PDGFA: variants seen among roughly 807,000 people sequenced by gnomAD.
PDGFA encodes the protein platelet derived growth factor subunit A.
In PDGFA, 9 loss-of-function variants were observed where a neutral mutation model predicts 25.6. That is an observed-to-expected ratio of 0.35 (90% CI 0.21 to 0.61). The LOEUF is 0.61. Among genes scored for constraint, PDGFA ranks in the 20% least tolerant of loss-of-function variants. PDGFA has a pLI of 0.75. For missense variants in PDGFA, 242 were observed against 272.8 expected (o/e 0.89, Z 0.79); for synonymous variants, 133 against 111.8 (o/e 1.19, Z -1.20).
chr7:497,978 ACAAAAAC>A (rs1782163582), exon 6 of PDGFA: 1 of 134,928 alleles, frequency 7.4e-6, no homozygotes, highest in African/African-American at 2.7e-5. Context: ...AAAAAACAAA[ACAAAAAC>A]AAAAAAAAAA....
chr7:510,720 AG>A, intron 4 of PDGFA, 88 bp downstream of exon 4: 1 of 378,066 alleles, frequency 2.6e-6, no homozygotes, highest in Admixed American at 4.4e-5. Flanking sequence ...AGGGGAGGGG[AG>A]GGGAGAGGAG....
At chr7:518,619 C>T in intron 1 of PDGFA, 1 of 328,748 alleles carries the variant, frequency 3.0e-6, no homozygotes, top group Non-Finnish European at 5.5e-6. Context: ...TTCCCCGCTC[C>T]CCGCACCCCG....
intron 4 of PDGFA, among the ~76,000 whole-genome samples, chr7:508,926 G>A (rs1370661732): frequency 5.9e-5 from 9 of 152,266 alleles, no homozygotes; most frequent in Non-Finnish European, 1.3e-4. Context: ...GATGGCAGCA[G>A]CCTCGGCTCT....
Position 517,264 on chromosome 7 carries a change from CT to C in PDGFA, c.160+129del. 1 of 317,354 alleles carries C rather than the reference CT, an allele frequency of 3.2e-6. No homozygotes were observed. Among genetic ancestry groups the C allele is most frequent in the Non-Finnish European group, 5.6e-6 (1 of 177,556 alleles). The allele number at this position is 317,354 out of a possible 1,614,324, so 19.7% of individuals were successfully genotyped here. On this transcript the variant is annotated intron_variant, in intron 2 of 5. Coordinates refer to ENST00000402802, the Ensembl canonical transcript of PDGFA. The surrounding 1 kb of genome is among the most constrained non-coding windows in gnomAD (Gnocchi z 7.4). ...AACTCCTGACTCATCCGCCCGGGCG[CT>C]TATGGCTGGGGATTGGATTCTGACC...
upstream of PDGFA, chr7:520,325 G>A (rs1416170949): frequency 1.1e-5 from 2 of 180,266 alleles, no homozygotes; most frequent in Non-Finnish European, 2.4e-5. Flanking sequence ...CAGGGCCCCA[G>A]CCTTCCTCTC....
intron 4 of PDGFA, among the ~76,000 whole-genome samples, chr7:503,126 T>C (rs1468839550): frequency 1.3e-5 from 2 of 152,136 alleles, no homozygotes; most frequent in Non-Finnish European, 2.9e-5. Context: ...CACCTCCATT[T>C]ACAGAACAAA....
chr7:497,602 A>T (rs909982259), exon 6 of PDGFA: 3 of 152,234 alleles, frequency 2.0e-5, no homozygotes, highest in Admixed American at 1.3e-4. Flanking sequence ...ACTCAGCCAC[A>T]AACGGGCTCT....
At chr7:498,359 G>A (rs1280140604) in exon 6 of PDGFA, 13 of 535,564 alleles carry the variant, frequency 2.4e-5, no homozygotes, top group East Asian at 1.8e-4. Flanking sequence ...GCTTCTTACT[G>A]CTTCACCGAG....
Position 500,397 on chromosome 7 carries a change from T to G in PDGFA, c.580+719A>C, listed in dbSNP as rs1782273986. The G allele has an allele frequency of 1.9e-6, 3 of 1,610,166 alleles. No homozygotes were observed. The highest frequency in any genetic ancestry group is 2.6e-6 in the Non-Finnish European group (3 of 1,176,416). On this transcript the variant is annotated intron_variant, in intron 5 of 5. Transcript: ENST00000402802. The surrounding 1 kb of genome is among the most constrained non-coding windows in gnomAD (Gnocchi z 5.0). The stretch of plus-strand genomic sequence containing the variant: ...ATCAGTCAGTTGCACCTCCCCGCCC[T>G]GCAGGACTCAGTGTGTCCGGCAGAC...
chr7:517,555 G>T lies in PDGFA; in HGVS notation c.64-65C>A, dbSNP rs1319224696. The T allele has an allele frequency of 1.9e-5, 12 of 641,746 alleles. No homozygotes were observed. Among genetic ancestry groups the T allele is most frequent in the East Asian group, 8.6e-5 (1 of 11,622 alleles). The allele number at this position is 641,746 out of a possible 1,614,324, so 39.8% of individuals were successfully genotyped here. A position where few individuals can be genotyped will look rare whatever the true frequency, so the allele number is the denominator to read the frequency against. On this transcript the variant is annotated intron_variant, in intron 1 of 5. Coordinates refer to ENST00000402802, the Ensembl canonical transcript of PDGFA. The surrounding 1 kb of genome is among the most constrained non-coding windows in gnomAD (Gnocchi z 7.4). ...ACCCCGCCGGCACGCGCCCCCGGCC[G>T]CCAGGAGCGCCGCCGCCCCGGGCCC...
intron 2 of PDGFA, among the ~76,000 whole-genome samples, chr7:515,718 T>C (rs1416035824): frequency 6.6e-6 from 1 of 152,112 alleles, no homozygotes. Context: ...GGGACATGAC[T>C]GCAGAGGGAA....
chr7:499,535 G>A (rs1248542799), intron 5 of PDGFA, among the ~76,000 whole-genome samples: 5 of 152,236 alleles, frequency 3.3e-5, no homozygotes, highest in African/African-American at 1.2e-4. Flanking sequence ...GACCAGGAAG[G>A]CTTGAAACTG....
Position 500,905 on chromosome 7 carries a change from C to T in PDGFA, c.580+211G>A, listed in dbSNP as rs369146942. ...ATCTCCTCTCCTGCCAGTGCCGCAG[C>T]TTGGGCCACCCTCCCCACCGGACAC... On this transcript the variant is annotated intron_variant, in intron 5 of 5. Transcript: ENST00000402802. The surrounding 1 kb of genome is among the most constrained non-coding windows in gnomAD (Gnocchi z 5.0). 1,567 of 1,584,460 alleles carry T rather than the reference C, an allele frequency of 9.9e-4. 12 individuals are homozygous for T. The highest frequency in any genetic ancestry group is 4.7e-3 in the Middle Eastern group (27 of 5,752).
At chr7:502,047 AG>A (rs1782362909) in intron 4 of PDGFA, among the ~76,000 whole-genome samples, 1 of 152,146 alleles carries the variant, frequency 6.6e-6, no homozygotes, top group Non-Finnish European at 1.5e-5. Context: ...CAACATAGTA[AG>A]ACCCTGCCTC....
At chr7:507,083 G>A (rs1331500431) in intron 4 of PDGFA, among the ~76,000 whole-genome samples, 1 of 152,212 alleles carries the variant, frequency 6.6e-6, no homozygotes, top group Admixed American at 6.5e-5. Context: ...GCCTCCATCC[G>A]CAGCGGCAGG....
exon 6 of PDGFA, chr7:497,959 C>CAAAAAAAAAAAAA (rs1166606050): frequency 1.8e-5 from 1 of 56,688 alleles, no homozygotes. Context: ...AAAAAAAAAA[C>CAAAAAAAAAAAAA]AAAAAAAAAA....
At chr7:519,145 C>A in exon 1 of PDGFA, 1 of 544,192 alleles carries the variant, frequency 1.8e-6, no homozygotes, top group Non-Finnish European at 3.1e-6. Context: ...ACGGAGCTGG[C>A]GGAGCGCGCC....
chr7:502,876 C>G (rs1177578945), intron 4 of PDGFA, among the ~76,000 whole-genome samples: 1 of 152,044 alleles, frequency 6.6e-6, no homozygotes, highest in Admixed American at 6.5e-5. Context: ...GTATAATGCA[C>G]ACACATACCC....
At chr7:519,651 G>A (rs1359967238), upstream of PDGFA, among the ~76,000 whole-genome samples, 1 of 144,998 alleles carries the variant, frequency 6.9e-6, no homozygotes, top group Non-Finnish European at 1.5e-5. Context: ...CGCCGGGGCC[G>A]GGCAGCGCCC....
Sources: gnomAD v4.1 joint callset for allele counts (sites outside exome capture counted in the v4.1 genomes callset) on GRCh38, gnomAD v4.1.1 for gene constraint, Gnocchi (gnomAD v3.1) non-coding constraint, MANE v1.5 for transcripts, NCBI Gene and HGNC (gene_info 2026-07-23, HGNC 2026-07-21) for gene names.